The following TTC13 variants were observed in gnomAD, a reference collection of about 807,000 sequenced individuals.
The protein encoded by TTC13 is tetratricopeptide repeat protein 13.
A neutral mutation model predicts 120.0 loss-of-function variants in TTC13; 62 were observed. The observed-to-expected ratio is 0.52, with a 90% CI of 0.42 to 0.64. The LOEUF (loss-of-function observed/expected upper bound fraction) is 0.64. TTC13 is among the 30% of genes least tolerant of loss of function. TTC13 has a pLI of 0.00. For missense variants in TTC13, 824 were observed against 1,050.2 expected (o/e 0.78, Z 2.98); for synonymous variants, 384 against 393.5 (o/e 0.98, Z 0.28).
chr1:230,916,256 A>G lies in TTC13; in HGVS notation c.2030T>C (p.Val677Ala). Residue 677 changes from valine to alanine, a missense_variant, in exon 18 of 23, where the codon GTT becomes GCT. Physicochemically the swap from Val to Ala is moderately conservative, Grantham distance 64. Transcript: ENST00000366661. ...TKDGFTVNTK[V>A]PSLKDQGKEY... ...CTTCCCTTGGTCTTTAAGGCTGGGA[A>G]CTTTTGTGTTCACGGTGAACCCATC... 6.2e-7 allele frequency: 1 copy of G among 1,614,146 alleles called. No individual in the cohort carries two copies. The highest frequency in any genetic ancestry group is 2.2e-5 in the East Asian group (1 of 44,890).
At chr1:230,970,027 T>C (rs1360034564) in intron 1 of TTC13, among the ~76,000 whole-genome samples, 2 of 152,202 alleles carry the variant, frequency 1.3e-5, no homozygotes, top group South Asian at 4.1e-4. Flanking sequence ...GTGCCCACTG[T>C]ACACATGGGG....
intron 1 of TTC13, among the ~76,000 whole-genome samples, chr1:230,972,969 G>C (rs1004568524): frequency 6.6e-6 from 1 of 152,186 alleles, no homozygotes; most frequent in African/African-American, 2.4e-5. Context: ...TCATCACTCT[G>C]TGCCTCAGTC....
intron 8 of TTC13, among the ~76,000 whole-genome samples, chr1:230,935,926 G>T (rs1016471949): frequency 1.3e-5 from 2 of 152,190 alleles, no homozygotes; most frequent in Non-Finnish European, 2.9e-5. Flanking sequence ...GAGTTTGGTG[G>T]CTGCCTGGGT....
chr1:230,941,955 T>G (rs1674570343), intron 6 of TTC13, among the ~76,000 whole-genome samples: 1 of 152,178 alleles, frequency 6.6e-6, no homozygotes, highest in South Asian at 2.1e-4. Context: ...AGTGAAAGAT[T>G]ACTCATAAAA....
chr1:230,963,073 C>T (rs960816558), intron 1 of TTC13, among the ~76,000 whole-genome samples: 3 of 152,094 alleles, frequency 2.0e-5, no homozygotes, highest in Non-Finnish European at 4.4e-5. Flanking sequence ...AAACATTTCA[C>T]CTTGATAGAT....
chr1:230,942,251 T>C lies in TTC13; in HGVS notation c.672+1555A>G, dbSNP rs1226536123. Among the ~76,000 whole-genome samples, 1 of 151,784 alleles carries C rather than the reference T, an allele frequency of 6.6e-6. No individual in the cohort carries two copies. Among genetic ancestry groups the C allele is most frequent in the East Asian group, 1.9e-4 (1 of 5,182 alleles). The stretch of plus-strand genomic sequence containing the variant: ...AGTAATATAGGGGAAAAAACATCAG[T>C]CCCCCCTACCAGAAGCAGATGATTA... On this transcript the variant is annotated intron_variant, in intron 6 of 22. Transcript: ENST00000366661. This position sits in a 1 kb window ranked among gnomAD's most constrained non-coding sequence, Gnocchi z 4.0.
At chr1:230,924,795 G>C (rs368792075) in intron 14 of TTC13, 46 bp downstream of exon 14, 41 of 1,608,828 alleles carry the variant, frequency 2.5e-5, no homozygotes, top group Non-Finnish European at 3.4e-5. Context: ...GACGTTATTT[G>C]ACAATGATAA....
At chr1:230,918,878 C>G (rs1672298506) in intron 17 of TTC13, among the ~76,000 whole-genome samples, 2 of 152,156 alleles carry the variant, frequency 1.3e-5, no homozygotes, top group Non-Finnish European at 2.9e-5. Context: ...TCAATCTCAT[C>G]TACTATAGCT....
Position 230,945,398 on chromosome 1 carries a change from C to T in TTC13, c.570G>A (p.Lys190=), listed in dbSNP as rs150250319. 26 of 1,613,908 alleles carry T rather than the reference C, an allele frequency of 1.6e-5. No individual in the cohort carries two copies. The highest frequency in any genetic ancestry group is 2.2e-5 in the Non-Finnish European group (26 of 1,179,906). ...ACTATTACATACTCACATGTAGTCC[C>T]TTCTTTCCATAGGCTATCCCTCGGC... ...IYGRGIAYGK[K]GLHDIKNAEL... Residue 190 remains lysine (K), a synonymous_variant, in exon 5 of 23, where the codon AAG becomes AAA. Coordinates refer to ENST00000366661, the MANE Select transcript of TTC13 (RefSeq NM_024525.5).
At chr1:230,928,264 G>T (rs1039452022) in intron 12 of TTC13, among the ~76,000 whole-genome samples, 2 of 152,128 alleles carry the variant, frequency 1.3e-5, no homozygotes, top group Admixed American at 1.3e-4. Context: ...CATGAACATA[G>T]TATTTCTCAC....
intron 1 of TTC13, among the ~76,000 whole-genome samples, chr1:230,964,095 C>A (rs1409389483): frequency 6.6e-6 from 1 of 152,186 alleles, no homozygotes; most frequent in Non-Finnish European, 1.5e-5. Flanking sequence ...CTTATTCTAA[C>A]AATCCCTCTC....
At chr1:230,956,607 T>C (rs1188891095) in intron 3 of TTC13, 1 of 370,246 alleles carries the variant, frequency 2.7e-6, no homozygotes, top group African/African-American at 2.2e-5. Context: ...ACAAATATGA[T>C]TTTTAGAGAT....
intron 1 of TTC13, among the ~76,000 whole-genome samples, chr1:230,971,062 G>A (rs1264568982): frequency 6.6e-6 from 1 of 151,998 alleles, no homozygotes; most frequent in Non-Finnish European, 1.5e-5. Flanking sequence ...ACAACCACAG[G>A]TGGCCAGGCG....
chr1:230,971,122 G>A (rs1376106799), intron 1 of TTC13, among the ~76,000 whole-genome samples: 1 of 152,048 alleles, frequency 6.6e-6, no homozygotes, highest in Admixed American at 6.6e-5. Context: ...GAGGCAGGCG[G>A]ATCACGAGGT....
intron 4 of TTC13, among the ~76,000 whole-genome samples, chr1:230,953,908 T>C (rs1675813817): frequency 6.6e-6 from 1 of 152,188 alleles, no homozygotes; most frequent in South Asian, 2.1e-4. Context: ...AGAAATTAAG[T>C]TAATCATGAA....
rs1674602577 is a variant in TTC13, at chr1:230,942,346, A to G, written c.672+1460T>C. ...AGCAAGTCTCATGCAGTGATAAACT[A>G]TAGTCACTTAACCCTTAGGGTTACA... On this transcript the variant is annotated intron_variant, in intron 6 of 22. Coordinates refer to ENST00000366661, the MANE Select transcript of TTC13 (RefSeq NM_024525.5). The surrounding 1 kb of genome is among the most constrained non-coding windows in gnomAD (Gnocchi z 4.0). Among the ~76,000 whole-genome samples, 2 of 152,190 alleles carry G rather than the reference A, an allele frequency of 1.3e-5. No homozygotes were observed. Among genetic ancestry groups the G allele is most frequent in the Non-Finnish European group, 2.9e-5 (2 of 68,036 alleles).
At chr1:230,931,595 C>A in intron 10 of TTC13, 123 bp from the exon 11 acceptor site, 2 of 1,449,054 alleles carry the variant, frequency 1.4e-6, no homozygotes, top group Admixed American at 2.0e-5. Flanking sequence ...GTCTACAGGA[C>A]AAGAGCAATG....
chr1:230,917,330 G>A (rs1672127519), intron 17 of TTC13, among the ~76,000 whole-genome samples: 1 of 152,216 alleles, frequency 6.6e-6, no homozygotes, highest in African/African-American at 2.4e-5. Context: ...GTCTGGCTGA[G>A]TCCCAGCCAG....
At chr1:230,922,895 T>C (rs1462717509) in intron 15 of TTC13, among the ~76,000 whole-genome samples, 1 of 152,224 alleles carries the variant, frequency 6.6e-6, no homozygotes, top group African/African-American at 2.4e-5. Context: ...CACTGGCTGA[T>C]CTACGGTAGC....
Sources: gnomAD v4.1 joint callset for allele counts (sites outside exome capture counted in the v4.1 genomes callset) on GRCh38, gnomAD v4.1.1 for gene constraint, Gnocchi (gnomAD v3.1) non-coding constraint, MANE v1.5 for transcripts, NCBI Gene and HGNC (gene_info 2026-07-23, HGNC 2026-07-21) for gene names.